ZCCHC7: variants seen among roughly 807,000 people sequenced by gnomAD.
The protein encoded by ZCCHC7 is zinc finger CCHC domain-containing protein 7.
In ZCCHC7, 35 loss-of-function variants were observed where a neutral mutation model predicts 52.0. That is an observed-to-expected ratio of 0.67 (90% CI 0.51 to 0.89). The LOEUF (loss-of-function observed/expected upper bound fraction) is 0.89. Ranked by LOEUF, ZCCHC7 falls within the 40% of genes least tolerant of loss-of-function variation. The probability of loss-of-function intolerance (pLI) is 0.00; values close to 1 mark genes in which losing one functional copy is unlikely to be tolerated. For missense variants in ZCCHC7, 574 were observed against 649.1 expected (o/e 0.88, Z 1.26); for synonymous variants, 217 against 221.5 (o/e 0.98, Z 0.18).
At chr9:37,184,976 G>A (rs7874153) in intron 2 of ZCCHC7, among the ~76,000 whole-genome samples, 7,693 of 152,158 alleles carry the variant, frequency 0.051, 634 homozygotes, top group African/African-American at 0.17. Context: ...TTCTAGGAAT[G>A]TTAGTGTAAC....
At chr9:37,233,042 CA>C (rs1825480646) in intron 2 of ZCCHC7, among the ~76,000 whole-genome samples, 1 of 152,128 alleles carries the variant, frequency 6.6e-6, no homozygotes, top group South Asian at 2.1e-4. Flanking sequence ...ATTTCATTTC[CA>C]AATCAAATGT....
At chr9:37,255,503 A>G (rs1383355904) in intron 2 of ZCCHC7, among the ~76,000 whole-genome samples, 1 of 152,124 alleles carries the variant, frequency 6.6e-6, no homozygotes, top group Non-Finnish European at 1.5e-5. Context: ...CGTGCAGTTT[A>G]AAACTTAAGA....
At chr9:37,275,514 TTAACCAG>T (rs57654362) in intron 2 of ZCCHC7, among the ~76,000 whole-genome samples, 107 of 152,334 alleles carry the variant, frequency 7.0e-4, no homozygotes, top group African/African-American at 2.4e-3. Context: ...TTGGCTATTG[TTAACCAG>T]TGTTTCTCTT....
chr9:37,351,026 A>G (rs920736440), intron 7 of ZCCHC7, among the ~76,000 whole-genome samples: 10 of 152,130 alleles, frequency 6.6e-5, no homozygotes. Flanking sequence ...TTGAATTCCA[A>G]CTATGACACA....
Position 37,274,331 on chromosome 9 carries a change from C to CT in ZCCHC7, c.611-27831dup, listed in dbSNP as rs10653910. Among the ~76,000 whole-genome samples, 759 of 76,716 alleles carry CT rather than the reference C, an allele frequency of 9.9e-3. 74 individuals are homozygous for CT. Among genetic ancestry groups the CT allele is most frequent in the South Asian group, 0.016 (28 of 1,782 alleles). 50.3% of individuals were successfully genotyped at this position (76,716 alleles called of 152,430 possible). A position where few individuals can be genotyped will look rare whatever the true frequency, so the allele number is the denominator to read the frequency against. On this transcript the variant is annotated intron_variant, in intron 2 of 8. Transcript: ENST00000336755. ...TTATGAAAATTACCATATCTAATTT[C>CT]TTTTTTTTTTTTTTTTTTTTTTTTT...
intron 2 of ZCCHC7, among the ~76,000 whole-genome samples, chr9:37,202,415 TTTAA>T (rs1215605571): frequency 1.3e-5 from 2 of 152,370 alleles, no homozygotes; most frequent in South Asian, 2.1e-4. Flanking sequence ...AATTGTTTGT[TTTAA>T]TTGTTTGTTT....
chr9:37,138,255 T>C (rs1489404438), intron 2 of ZCCHC7, among the ~76,000 whole-genome samples: 1 of 152,198 alleles, frequency 6.6e-6, no homozygotes, highest in Non-Finnish European at 1.5e-5. Context: ...GTTTCAGCTT[T>C]ACTTGTGAAT....
intron 2 of ZCCHC7, among the ~76,000 whole-genome samples, chr9:37,224,134 GA>G (rs1466863153): frequency 2.0e-5 from 3 of 151,818 alleles, no homozygotes; most frequent in Non-Finnish European, 4.4e-5. Flanking sequence ...TTTTTAAAAG[GA>G]AAAAACTTTT....
chr9:37,123,132 A>ATCTTCCAAGACACTTTTTAAAAGG (rs1842390987), intron 1 of ZCCHC7, among the ~76,000 whole-genome samples: 1 of 151,870 alleles, frequency 6.6e-6, no homozygotes, highest in African/African-American at 2.4e-5. Flanking sequence ...TTACCTAGTT[A>ATCTTCCAAGACACTTTTTAAAAGG]GTATACTTGG....
At chr9:37,318,013 G>T (rs1330620380) in intron 5 of ZCCHC7, among the ~76,000 whole-genome samples, 1 of 151,958 alleles carries the variant, frequency 6.6e-6, no homozygotes, top group Admixed American at 6.6e-5. Flanking sequence ...CCCAATGTTA[G>T]GGAAGCTGTA....
chr9:37,289,361 G>A (rs990109891), intron 2 of ZCCHC7, among the ~76,000 whole-genome samples: 3 of 151,928 alleles, frequency 2.0e-5, no homozygotes, highest in African/African-American at 7.3e-5. Flanking sequence ...ATGTTGGCCC[G>A]GCTGGTCTCG....
chr9:37,305,175 C>T (rs1440250645), intron 4 of ZCCHC7, among the ~76,000 whole-genome samples: 1 of 152,170 alleles, frequency 6.6e-6, no homozygotes, highest in Non-Finnish European at 1.5e-5. Context: ...CTCTTATGCT[C>T]CTTTTTTGTT....
intron 2 of ZCCHC7, among the ~76,000 whole-genome samples, chr9:37,164,787 A>G (rs1056427404): frequency 3.9e-5 from 6 of 152,078 alleles, no homozygotes; most frequent in African/African-American, 9.7e-5. Context: ...GCTGGTCCCA[A>G]ACTCCTGGGT....
intron 2 of ZCCHC7, among the ~76,000 whole-genome samples, chr9:37,280,466 A>G (rs1653959278): frequency 6.6e-6 from 1 of 152,192 alleles, no homozygotes; most frequent in South Asian, 2.1e-4. Context: ...ATTCAGCAAG[A>G]TAGACCATAT....
At chr9:37,298,477 A>T (rs1002785918) in intron 2 of ZCCHC7, among the ~76,000 whole-genome samples, 6 of 152,232 alleles carry the variant, frequency 3.9e-5, no homozygotes, top group Non-Finnish European at 7.3e-5. Flanking sequence ...CTAATACCCA[A>T]CAACAGGGAT....
At chr9:37,349,783 A>G (rs991489777) in intron 7 of ZCCHC7, among the ~76,000 whole-genome samples, 1 of 152,134 alleles carries the variant, frequency 6.6e-6, no homozygotes, top group Admixed American at 6.5e-5. Context: ...CCATAGCATG[A>G]TTTTAGATTT....
chr9:37,255,084 T>C (rs7034597), intron 2 of ZCCHC7, among the ~76,000 whole-genome samples: 7,700 of 151,992 alleles, frequency 0.051, 638 homozygotes, highest in African/African-American at 0.17. Context: ...CAGATAGTAC[T>C]GAACCCTGTA....
At chr9:37,230,292 G>A (rs1210737992) in intron 2 of ZCCHC7, among the ~76,000 whole-genome samples, 2 of 152,052 alleles carry the variant, frequency 1.3e-5, no homozygotes, top group Non-Finnish European at 1.5e-5. Context: ...CTGGCAGTGC[G>A]GTAGGTTTGT....
chr9:37,199,327 C>CTTTTTTTTTTTTT (rs57881366), intron 2 of ZCCHC7, among the ~76,000 whole-genome samples: 30 of 129,682 alleles, frequency 2.3e-4, no homozygotes, highest in Non-Finnish European at 3.9e-4. Context: ...TTTCTTTCTT[C>CTTTTTTTTTTTTT]TTTTTTTTTT....
Sources: gnomAD v4.1 joint callset for allele counts (sites outside exome capture counted in the v4.1 genomes callset) on GRCh38, gnomAD v4.1.1 for gene constraint, MANE v1.5 for transcripts, NCBI Gene and HGNC (gene_info 2026-07-23, HGNC 2026-07-21) for gene names.